The following PFKFB2 variants were observed in gnomAD, a reference collection of about 807,000 sequenced individuals.
PFKFB2 encodes the protein 6-phosphofructo-2-kinase/fructose-2,6-biphosphatase 2.
In PFKFB2, 53 loss-of-function variants were observed where a neutral mutation model predicts 68.0. That is an observed-to-expected ratio of 0.78 (90% CI 0.63 to 0.98). The LOEUF (loss-of-function observed/expected upper bound fraction) is 0.98. Among genes scored for constraint, PFKFB2 ranks in the 50% least tolerant of loss-of-function variants. The probability of loss-of-function intolerance (pLI) is 0.00; values close to 1 mark genes in which losing one functional copy is unlikely to be tolerated. For synonymous variants in PFKFB2, 222 were observed against 227.6 expected (o/e 0.98, Z 0.22); for missense variants, 451 against 642.0 (o/e 0.70, Z 3.22).
chr1:207,044,424 G>T (rs1034350065), intron 2 of PFKFB2: 3 of 152,364 alleles, frequency 2.0e-5, no homozygotes, highest in Non-Finnish European at 4.4e-5. Flanking sequence ...AGTAACTTAC[G>T]GGCTAATTAC....
rs189071790 is a variant in PFKFB2, at chr1:207,075,069, T to C, written c.*2698T>C. 2.0e-5 allele frequency: 20 copies of C among 985,464 alleles called. No individual in the cohort carries two copies. In the African/African-American group the frequency reaches 3.1e-4, roughly 15 times the overall value. The allele number at this position is 985,464 out of a possible 1,614,324, so 61.0% of individuals were successfully genotyped here. A position where few individuals can be genotyped will look rare whatever the true frequency, so the allele number is the denominator to read the frequency against. On this transcript the variant is annotated 3_prime_UTR_variant, in exon 15 of 15. Coordinates refer to ENST00000367080, the MANE Select transcript of PFKFB2 (RefSeq NM_006212.2). ...TGAGGTAAGAGTAATTCAGACCTAA[T>C]GAATGAGAAGAGGGAGCACTTTGAT...
At chr1:207,055,050 C>T in intron 2 of PFKFB2, 1 of 418,800 alleles carries the variant, frequency 2.4e-6, no homozygotes, top group South Asian at 2.6e-5. Context: ...GAATCTCTGT[C>T]TCCTGGGATG....
chr1:207,038,466 CTG>C (rs1366648065), intron 1 of PFKFB2, among the ~76,000 whole-genome samples: 1 of 152,220 alleles, frequency 6.6e-6, no homozygotes, highest in Non-Finnish European at 1.5e-5. Context: ...GTTTATCATA[CTG>C]TGACCAGACT....
At chr1:207,050,497 C>T (rs996647947), upstream of PFKFB2, among the ~76,000 whole-genome samples, 1 of 152,194 alleles carries the variant, frequency 6.6e-6, no homozygotes, top group African/African-American at 2.4e-5. Context: ...AACCCTGTGT[C>T]AAGACAAGGA....
At chr1:207,060,432 G>T (rs374252100) in intron 2 of PFKFB2, among the ~76,000 whole-genome samples, 2 of 152,222 alleles carry the variant, frequency 1.3e-5, no homozygotes, top group East Asian at 3.9e-4. Context: ...GATTGGCCCT[G>T]ATGCCCTTTG....
At chr1:207,049,371 G>T, upstream of PFKFB2, 1 of 1,614,004 alleles carries the variant, frequency 6.2e-7, no homozygotes, top group Non-Finnish European at 8.5e-7. Flanking sequence ...TTTCACATTG[G>T]TAAAACTTGG....
At chr1:207,046,246 A>T (rs748615880) in intron 2 of PFKFB2, 20 of 152,200 alleles carry the variant, frequency 1.3e-4, no homozygotes, top group Non-Finnish European at 2.7e-4. Flanking sequence ...GAAAGATTTC[A>T]TTCTGCTCTA....
At chr1:207,050,673 G>C (rs1198914478), upstream of PFKFB2, 2 of 1,612,600 alleles carry the variant, frequency 1.2e-6, no homozygotes, top group Non-Finnish European at 1.7e-6. Context: ...CCTGGCCCCA[G>C]CCCTGATTCC....
At chr1:207,049,513 A>C (rs1268040501), upstream of PFKFB2, 1 of 1,614,054 alleles carries the variant, frequency 6.2e-7, no homozygotes, top group Non-Finnish European at 8.5e-7. Flanking sequence ...TTGTGCTATG[A>C]GGCGTCTCAT....
intron 2 of PFKFB2, among the ~76,000 whole-genome samples, chr1:207,043,697 C>T (rs1334616424): frequency 3.3e-5 from 5 of 152,142 alleles, no homozygotes; most frequent in African/African-American, 9.7e-5. Context: ...CTTAGTTTCT[C>T]CTGTCTCATT....
chr1:207,074,441 G>T lies in PFKFB2; in HGVS notation c.*2070G>T, dbSNP rs1445961078. 3 of 985,326 alleles carry T rather than the reference G, an allele frequency of 3.0e-6. No individual in the cohort carries two copies. Among genetic ancestry groups the T allele is most frequent in the Non-Finnish European group, 3.6e-6 (3 of 829,946 alleles). The allele number at this position is 985,326 out of a possible 1,614,324, so 61.0% of individuals were successfully genotyped here. ...ATTAAATAATTGTCTCTAGAGAGCA[G>T]CTGGGGATTTTAAGCACCCTGGAGA... On this transcript the variant is annotated 3_prime_UTR_variant, in exon 15 of 15. Coordinates refer to ENST00000367080, the MANE Select transcript of PFKFB2 (RefSeq NM_006212.2).
chr1:207,071,332 T>G (rs1683459715), intron 13 of PFKFB2, 82 bp downstream of exon 13: 2 of 1,268,302 alleles, frequency 1.6e-6, no homozygotes, highest in Non-Finnish European at 1.2e-6. Flanking sequence ...AGAGTTCAGC[T>G]TCATTATCCC....
At chr1:207,078,323 G>C (rs915420720), downstream of PFKFB2, among the ~76,000 whole-genome samples, 8 of 152,140 alleles carry the variant, frequency 5.3e-5, no homozygotes, top group Non-Finnish European at 8.8e-5. Flanking sequence ...CCTTAACAAA[G>C]ACCAGAAGCT....
upstream of PFKFB2, chr1:207,050,919 G>T (rs763559031): frequency 6.3e-6 from 10 of 1,597,786 alleles, no homozygotes; most frequent in Admixed American, 1.6e-4. Context: ...CTGCCCACAG[G>T]CCAGGCACCC....
rs1358351896 is a variant in PFKFB2 at position 207,073,908 on chromosome 1, T to C, written c.*1537T>C. On this transcript the variant is annotated 3_prime_UTR_variant, in exon 15 of 15. Transcript: ENST00000367080. ...TAGGTGACTCCCCACCTTAAAGTTA[T>C]CTGCTGGTCTTTTAGAGGTAACCAG... 2.0e-6 allele frequency: 2 copies of C among 985,240 alleles called. No individual in the cohort carries two copies. Among genetic ancestry groups the C allele is most frequent in the Non-Finnish European group, 2.4e-6 (2 of 829,834 alleles). The allele number at this position is 985,240 out of a possible 1,614,324, so 61.0% of individuals were successfully genotyped here. A position where few individuals can be genotyped will look rare whatever the true frequency, so the allele number is the denominator to read the frequency against.
chr1:207,069,429 G>T lies in PFKFB2; in HGVS notation c.993G>T (p.Val331=). Residue 331 remains valine (V), a synonymous_variant, in exon 11 of 15, where the codon GTG becomes GTT. Coordinates refer to ENST00000367080, the MANE Select transcript of PFKFB2 (RefSeq NM_006212.2). ...WKILNEIDAG[V]CEEMTYAEIE... is the part of the protein sequence containing the mutation. ...CTTCAAGTGGCTTTTTGCAGGGTGT[G>T]TGTGAAGAGATGACCTATGCAGAGA... 1 of 1,612,984 alleles carries T rather than the reference G, an allele frequency of 6.2e-7. No homozygotes were observed.
At chr1:207,062,811 C>A in intron 4 of PFKFB2, 95 bp downstream of exon 4, 1 of 1,224,378 alleles carries the variant, frequency 8.2e-7, no homozygotes, top group Admixed American at 2.1e-5. Context: ...CAGTAAATAT[C>A]TTAAGGGGAA....
At chr1:207,052,660 A>AAAAACC (rs201349368), upstream of PFKFB2, among the ~76,000 whole-genome samples, 3 of 152,324 alleles carry the variant, frequency 2.0e-5, no homozygotes, top group East Asian at 5.8e-4. Flanking sequence ...CTCAAAAAAC[A>AAAAACC]AAAACCAAAC....
At position 207,076,206 on chromosome 1, in the gene PFKFB2, T is replaced by G. The variant is rs1400891776; in HGVS notation, c.*3835T>G. On this transcript the variant is annotated 3_prime_UTR_variant, in exon 15 of 15. Transcript: ENST00000367080. ...GACACTGGCATTTTGAAGAAACATA[T>G]GATATAGCTGTTTGGAAATAAATTC... 3.1e-5 allele frequency: 30 copies of G among 981,854 alleles called. No individual in the cohort carries two copies. The highest frequency in any genetic ancestry group is 6.1e-5 in the Admixed American group (1 of 16,262). 60.8% of individuals were successfully genotyped at this position (981,854 alleles called of 1,614,324 possible). A position where few individuals can be genotyped will look rare whatever the true frequency, so the allele number is the denominator to read the frequency against.
Sources: allele counts gnomAD v4.1 joint callset (sites outside exome capture counted in the v4.1 genomes callset), GRCh38; gene constraint gnomAD v4.1.1; transcripts MANE v1.5; gene names NCBI Gene and HGNC (gene_info 2026-07-23, HGNC 2026-07-21).